FGA: variants seen among roughly 807,000 people sequenced by gnomAD.
FGA encodes fibrinogen alpha chain, also known as fibrinogen, A alpha polypeptide.
In FGA, 20 loss-of-function variants were observed where a neutral mutation model predicts 20.3. The observed-to-expected ratio is 0.99, with a 90% CI of 0.69 to 1.43. The LOEUF is 1.43. Among genes scored for constraint, FGA ranks in the 40% most tolerant of loss-of-function variants. The probability of loss-of-function intolerance (pLI) is 0.00; values close to 1 mark genes in which losing one functional copy is unlikely to be tolerated. For missense variants in FGA, 777 were observed against 784.7 expected (o/e 0.99, Z 0.12); for synonymous variants, 306 against 281.6 (o/e 1.09, Z -0.87).
downstream of FGA, chr4:154,584,180 C>A: frequency 1.9e-6 from 3 of 1,611,208 alleles, no homozygotes; most frequent in South Asian, 2.2e-5. Context: ...GAATAATCTG[C>A]CCCTCTAAAG....
intron 4 of FGA, 72 bp downstream of exon 4, chr4:154,587,440 G>T: frequency 1.5e-6 from 2 of 1,330,726 alleles, no homozygotes; most frequent in Non-Finnish European, 2.2e-6. Context: ...TAGACACTCA[G>T]TGCATAACTA....
intron 3 of FGA, 127 bp from the exon 4 acceptor site, chr4:154,587,784 A>AAAGAAAGAAAGG: frequency 1.4e-6 from 1 of 727,628 alleles, no homozygotes; most frequent in Admixed American, 2.7e-5. Flanking sequence ...AGAAAGAAAG[A>AAAGAAAGAAAGG]AAGAAAGAAA....
Position 154,585,277 on chromosome 4 carries a change from C to T in FGA, c.*217G>A. 1 of 1,347,560 alleles carries T rather than the reference C, an allele frequency of 7.4e-7. No homozygotes were observed. The highest frequency in any genetic ancestry group is 2.8e-5 in the East Asian group (1 of 35,564). 83.5% of individuals were successfully genotyped at this position (1,347,560 alleles called of 1,614,324 possible). ...GCTCAAATAGAGTTTCAGAGGAATT[C>T]ATTCATCCATTTAACATGTATTTAT... On this transcript the variant is annotated 3_prime_UTR_variant, in exon 5 of 5. Coordinates refer to ENST00000403106, the MANE Select transcript of FGA (RefSeq NM_021871.4).
At chr4:154,584,959 T>C, downstream of FGA, 1 of 833,866 alleles carries the variant, frequency 1.2e-6, no homozygotes, top group Middle Eastern at 2.5e-4. Context: ...CTCCTTTCCT[T>C]CCCTCCATAG....
downstream of FGA, chr4:154,584,787 G>A: frequency 6.2e-7 from 1 of 1,613,978 alleles, no homozygotes; most frequent in Non-Finnish European, 8.5e-7. Flanking sequence ...TATTGAAAAT[G>A]CCACTTTGGG....
In FGA at chr4:154,585,584, T is replaced by G. The variant is rs549254126; in HGVS notation, c.1845A>C (p.Gly615=). The G allele has an allele frequency of 2.5e-5, 41 of 1,614,184 alleles. No homozygotes were observed. In the South Asian group the frequency reaches 4.3e-4, roughly 17 times the overall value. The part of the protein sequence containing the change: ...DEAGSEADHE[G]THSTKRGHAK... ...CATGGCCTCTCTTGGTGCTATGTGT[T>G]CCTTCATGATCGGCTTCACTTCCGG... Residue 615 remains glycine (G), a synonymous_variant, in exon 5 of 5, where the codon GGA becomes GGC. Coordinates refer to ENST00000403106, the MANE Select transcript of FGA (RefSeq NM_021871.4).
chr4:154,584,345 G>C (rs762767715), downstream of FGA: 29 of 1,614,106 alleles, frequency 1.8e-5, 1 homozygote, highest in South Asian at 3.0e-4. Flanking sequence ...TCTTCCCACT[G>C]GTCTGCATCC....
intron 2 of FGA, 71 bp downstream of exon 2, chr4:154,589,366 A>G (rs570535581): frequency 3.1e-6 from 5 of 1,589,660 alleles, no homozygotes; most frequent in Non-Finnish European, 3.4e-6. Context: ...TCTGGGACCA[A>G]TCAGGTCAGC....
In FGA at chr4:154,585,965, A is replaced by G. The variant is rs1292285078; in HGVS notation, c.1464T>C (p.Gly488=). 6.2e-7 allele frequency: 1 copy of G among 1,614,178 alleles called. No homozygotes were observed. The highest frequency in any genetic ancestry group is 1.3e-5 in the African/African-American group (1 of 75,038). Residue 488 remains glycine (G), a synonymous_variant, in exon 5 of 5, where the codon GGT becomes GGC. Transcript: ENST00000403106. ...AATCCATTGCCTCGGGACAGTCAGA[A>G]CCATCTTCGGAGGTCACCACTTCTT... ...VTKEVVTSED[G]SDCPEAMDLG...
In FGA at chr4:154,587,640, T is replaced by A. The variant is rs757242809; in HGVS notation, c.382A>T (p.Asn128Tyr). ...SSANNRDNTYNRVSEDLRSRI... is the reference protein window; with the variant it reads ...SSANNRDNTYYRVSEDLRSRI... ...CTTCTCAGATCCTCTGACACTCGGTTGTAGGTATTATCACGGTCTGAAATC... is the reference window on the plus strand; with the variant it reads ...CTTCTCAGATCCTCTGACACTCGGTAGTAGGTATTATCACGGTCTGAAATC... The change falls in exon 4 of 5, where the codon AAC (asparagine) becomes TAC (tyrosine). Residue 128 changes from asparagine to tyrosine, a missense_variant. Transcript: ENST00000403106. The A allele has an allele frequency of 6.2e-7, 1 of 1,613,746 alleles. No homozygotes were observed. The highest frequency in any genetic ancestry group is 8.5e-7 in the Non-Finnish European group (1 of 1,179,950).
chr4:154,589,063 T>C, intron 2 of FGA, 87 bp from the exon 3 acceptor site: 1 of 1,185,972 alleles, frequency 8.4e-7, no homozygotes, highest in Non-Finnish European at 1.2e-6. Flanking sequence ...CCCCATTTCT[T>C]CCTACCCTAT....
chr4:154,587,029 T>C (rs1421795107), intron 4 of FGA, 111 bp from the exon 5 acceptor site: 4 of 1,062,830 alleles, frequency 3.8e-6, no homozygotes, highest in Non-Finnish European at 5.6e-6. Flanking sequence ...TCATTTTTTT[T>C]GACTCGGAGA....
chr4:154,586,162 C>T lies in FGA; in HGVS notation c.1267G>A (p.Gly423Arg), dbSNP rs780620686. The change falls in exon 5 of 5, where the codon GGG becomes AGG. Residue 423 changes from glycine (G) to arginine (R), a missense_variant. Transcript: ENST00000403106. The stretch of plus-strand genomic sequence containing the variant: ...TCTGTGTGGTACTCTCTCCTTGTCC[C>T]TGGACTTACATTTCCTGACACCTCT... ...FEEVSGNVSP[G>R]TRREYHTEKL... 2 of 1,614,178 alleles carry T rather than the reference C, an allele frequency of 1.2e-6. No homozygotes were observed. Among genetic ancestry groups the T allele is most frequent in the South Asian group, 2.2e-5 (2 of 91,080 alleles).
At position 154,586,897 on chromosome 4, in the gene FGA, G is replaced by A. The variant is rs140911890; in HGVS notation, c.532C>T (p.Arg178Ter). 43 of 1,613,662 alleles carry A rather than the reference G, an allele frequency of 2.7e-5. No individual in the cohort carries two copies. Among genetic ancestry groups the A allele is most frequent in the Non-Finnish European group, 3.4e-5 (40 of 1,179,960 alleles). ...CTACTGCATGACCCTCGACAAGATC[G>A]GATCTTAATATCAATGTCCACCTAG... ...RLEVDIDIKI[R>*]SCRGSCSRAL... is the part of the protein sequence containing the mutation. The change falls in exon 5 of 5, where the codon CGA becomes TGA. Residue 178 changes from arginine to a stop codon, truncating the protein, a stop_gained. Coordinates refer to ENST00000403106, the MANE Select transcript of FGA (RefSeq NM_021871.4). LOFTEE classifies it low-confidence loss of function (END_TRUNC).
Position 154,586,658 on chromosome 4 carries a change from C to T in FGA, c.771G>A (p.Met257Ile), listed in dbSNP as rs1217351133. 6.2e-7 allele frequency: 1 copy of T among 1,614,230 alleles called. No individual in the cohort carries two copies. The highest frequency in any genetic ancestry group is 1.1e-5 in the South Asian group (1 of 91,088). ...EWKALTDMPQMRMELERPGGN... is the reference protein window; with the variant it reads ...EWKALTDMPQIRMELERPGGN... ...CACCAGGTCTCTCTAACTCCATTCTCATCTGCGGCATGTCTGTTAATGCCT... is the reference window on the plus strand; with the variant it reads ...CACCAGGTCTCTCTAACTCCATTCTTATCTGCGGCATGTCTGTTAATGCCT... The change falls in exon 5 of 5, where the codon ATG becomes ATA. Residue 257 changes from methionine to isoleucine, a missense_variant. Coordinates refer to ENST00000403106, the MANE Select transcript of FGA (RefSeq NM_021871.4).
rs774835956 is a variant in FGA at position 154,588,869 on chromosome 4, C to T, written c.288G>A (p.Gln96=). Residue 96 remains glutamine (Q), a synonymous_variant, in exon 3 of 5, where the codon CAG becomes CAA. Coordinates refer to ENST00000403106, the MANE Select transcript of FGA (RefSeq NM_021871.4). ...ACGAATGAGAATCCTTATTGTTCTT[C>T]TGATATTCAAATAGTGAATTTTTGA... ...NKLKNSLFEY[Q]KNNKDSHSLT... is the part of the protein sequence containing the mutation. 6.2e-7 allele frequency: 1 copy of T among 1,611,722 alleles called. No individual in the cohort carries two copies.
Position 154,586,581 on chromosome 4 carries a change from G to A in FGA, c.848C>T (p.Thr283Met), listed in dbSNP as rs555704618. The change falls in exon 5 of 5, where the codon ACG becomes ATG. Residue 283 changes from threonine (T) to methionine (M), a missense_variant. Thr to Met is a moderately conservative substitution (Grantham distance 81, BLOSUM62 -1). Coordinates refer to ENST00000403106, the MANE Select transcript of FGA (RefSeq NM_021871.4). ...GSTSYGTGSETESPRNPSSAG... is the reference protein window; with the variant it reads ...GSTSYGTGSEMESPRNPSSAG... ...ACTGCTAGGGTTCCTGGGGCTTTCC[G>A]TCTCTGATCCGGTTCCATAAGAGGT... 2 of 1,614,038 alleles carry A rather than the reference G, an allele frequency of 1.2e-6. No homozygotes were observed. Among genetic ancestry groups the A allele is most frequent in the African/African-American group, 1.3e-5 (1 of 75,010 alleles).
chr4:154,586,065 G>A lies in FGA; in HGVS notation c.1364C>T (p.Thr455Ile). Residue 455 changes from threonine to isoleucine, a missense_variant, in exon 5 of 5, where the codon ACC (threonine) becomes ATC (isoleucine). Physicochemically the swap from Thr to Ile is moderately conservative, Grantham distance 89 (BLOSUM62 -1). Transcript: ENST00000403106. ...TTTAGAGCATGAACGACGCGTGGTG[G>A]TTGTGCTACCAGAGGTGACCTTCTC... The part of the protein sequence containing the change: ...GKEKVTSGST[T>I]TTRRSCSKTV... The A allele has an allele frequency of 6.2e-7, 1 of 1,614,160 alleles. No individual in the cohort carries two copies. Among genetic ancestry groups the A allele is most frequent in the Non-Finnish European group, 8.5e-7 (1 of 1,180,012 alleles).
chr4:154,587,004 T>A, intron 4 of FGA, 86 bp from the exon 5 acceptor site: 1 of 1,386,092 alleles, frequency 7.2e-7, no homozygotes, highest in Non-Finnish European at 1.0e-6. Context: ...TTAATTTTCC[T>A]TCTGGAAACT....
Sources: allele counts gnomAD v4.1 joint callset, GRCh38; gene constraint gnomAD v4.1.1; transcripts MANE v1.5; gene names NCBI Gene and HGNC (gene_info 2026-07-23, HGNC 2026-07-21).